CCDC183: variants seen among roughly 807,000 people sequenced by gnomAD.
The protein encoded by CCDC183 is coiled-coil domain-containing protein 183.
In CCDC183, 63 loss-of-function variants were observed where a neutral mutation model predicts 65.2. The ratio of observed to expected loss-of-function variants is 0.97; its 90% CI spans 0.79 to 1.19. CCDC183 has a LOEUF of 1.19. Among genes scored for constraint, CCDC183 ranks in the 50% most tolerant of loss-of-function variants. The probability of loss-of-function intolerance (pLI) is 0.00; values close to 1 mark genes in which losing one functional copy is unlikely to be tolerated. For missense variants in CCDC183, 769 were observed against 689.3 expected (o/e 1.12, Z -1.30); for synonymous variants, 323 against 276.5 (o/e 1.17, Z -1.67).
intron 8 of CCDC183, 37 bp from the exon 9 acceptor site, chr9:136,805,320 C>T: frequency 6.4e-7 from 1 of 1,554,128 alleles, no homozygotes; most frequent in Non-Finnish European, 8.8e-7. Flanking sequence ...CTGAGCCATC[C>T]CTGCATGCTG....
chr9:136,807,345 C>A, intron 13 of CCDC183: 1 of 665,216 alleles, frequency 1.5e-6, no homozygotes, highest in Non-Finnish European at 2.5e-6. Context: ...GGGAGGAGCG[C>A]GGTGAAGGCC....
chr9:136,806,427 G>C (rs1847851138), intron 10 of CCDC183, 77 bp from the exon 11 acceptor site: 1 of 1,578,516 alleles, frequency 6.3e-7, no homozygotes, highest in African/African-American at 1.3e-5. Flanking sequence ...ACCCAACTCA[G>C]GACTGGGCTC....
chr9:136,797,779 G>A lies in CCDC183; in HGVS notation c.70+1312G>A, dbSNP rs574232959. On this transcript the variant is annotated intron_variant, in intron 1 of 13. Coordinates refer to ENST00000338005, the MANE Select transcript of CCDC183 (RefSeq NM_001039374.5). ...TTTCTCAGTCTTCATCCCACCTGAC[G>A]AGAAATACCCGCAGGTGTGGAGGGG... Among the ~76,000 whole-genome samples the A allele has an allele frequency of 3.9e-5, 6 of 152,234 alleles. No homozygotes were observed. In the East Asian group the frequency reaches 7.8e-4, roughly 20 times the overall value.
chr9:136,806,222 A>C lies in CCDC183; in HGVS notation c.1093A>C (p.Lys365Gln), dbSNP rs1263971899. Residue 365 changes from lysine to glutamine, a missense_variant, in exon 10 of 14, where the codon AAG (lysine) becomes CAG (glutamine). Transcript: ENST00000338005. ...LEEAVLKFRQ[K>Q]PSSISFKSVE... The stretch of plus-strand genomic sequence containing the variant: ...GGAGGCCGTGCTCAAGTTCCGCCAG[A>C]AGCCTAGCTCCATCAGGTGCCCCGG... The C allele has an allele frequency of 6.3e-7, 1 of 1,592,322 alleles. No individual in the cohort carries two copies. The highest frequency in any genetic ancestry group is 8.6e-7 in the Non-Finnish European group (1 of 1,169,576).
chr9:136,803,372 A>G (rs1205850873), intron 6 of CCDC183, among the ~76,000 whole-genome samples: 1 of 152,146 alleles, frequency 6.6e-6, no homozygotes, highest in Non-Finnish European at 1.5e-5. Flanking sequence ...CCCCAGAAGG[A>G]TCCAGTGGCC....
intron 3 of CCDC183, 103 bp from the exon 4 acceptor site, chr9:136,799,899 G>T: frequency 2.0e-6 from 3 of 1,516,836 alleles, no homozygotes; most frequent in Non-Finnish European, 2.7e-6. Context: ...CCAGCCCCAG[G>T]TTCCCTGTGG....
In CCDC183 at chr9:136,805,474, T is replaced by C. The variant is rs779802702; in HGVS notation, c.948+17T>C. 1 of 1,607,070 alleles carries C rather than the reference T, an allele frequency of 6.2e-7. No individual in the cohort carries two copies. The highest frequency in any genetic ancestry group is 1.3e-5 in the African/African-American group (1 of 74,816). On this transcript the variant is annotated intron_variant, in intron 9 of 13. Coordinates refer to ENST00000338005, the MANE Select transcript of CCDC183 (RefSeq NM_001039374.5). Reference sequence around the variant, plus strand: ...CACGTCTGGGTAATGCCCCTGGCGCTCCCAGAGAATGGCAGGAGGGTGGCT... The same window carrying C: ...CACGTCTGGGTAATGCCCCTGGCGCCCCCAGAGAATGGCAGGAGGGTGGCT...
intron 5 of CCDC183, among the ~76,000 whole-genome samples, chr9:136,801,216 G>A (rs1847732344): frequency 6.6e-6 from 1 of 151,976 alleles, no homozygotes; most frequent in East Asian, 1.9e-4. Context: ...CCCAGCCCAG[G>A]TGGCTCTCAG....
rs745999204 is a variant in CCDC183 at position 136,807,604 on chromosome 9, T to C, written c.1519T>C (p.Tyr507His). 1.6e-5 allele frequency: 25 copies of C among 1,606,070 alleles called. No homozygotes were observed. Among genetic ancestry groups the C allele is most frequent in the Non-Finnish European group, 2.1e-5 (25 of 1,176,794 alleles). ...TFQFPDMDHS[Y>H]VPSRAEIKRQ... ...CCAGTTCCCCGACATGGACCACAGC[T>C]ACGTCCCTTCGCGCGCCGAGATCAA... The change falls in exon 14 of 14, where the codon TAC (tyrosine) becomes CAC (histidine). Residue 507 changes from tyrosine to histidine, a missense_variant. Coordinates refer to ENST00000338005, the MANE Select transcript of CCDC183 (RefSeq NM_001039374.5).
At chr9:136,800,655 C>A in intron 5 of CCDC183, 162 bp downstream of exon 5, 1 of 603,784 alleles carries the variant, frequency 1.7e-6, no homozygotes, top group Non-Finnish European at 2.9e-6. Context: ...TTTTTTTAAA[C>A]TTCATTTTTG....
At chr9:136,796,906 G>C (rs969502539) in intron 1 of CCDC183, among the ~76,000 whole-genome samples, 1 of 152,100 alleles carries the variant, frequency 6.6e-6, no homozygotes, top group Non-Finnish European at 1.5e-5. Context: ...ATATGGCCTC[G>C]TGGGAAAGGA....
rs1015870754 is a variant in CCDC183, at chr9:136,802,714, C to T, written c.594C>T (p.Val198=). 6.2e-7 allele frequency: 1 copy of T among 1,613,606 alleles called. No individual in the cohort carries two copies. The highest frequency in any genetic ancestry group is 1.1e-5 in the South Asian group (1 of 91,078). Reference sequence around the variant, plus strand: ...TGGACAAGCTGCAGAACCTCGTGGTCAACTACTGCTCAGAGCTGTCGGATA... The same window carrying T: ...TGGACAAGCTGCAGAACCTCGTGGTTAACTACTGCTCAGAGCTGTCGGATA... ...IELDKLQNLV[V]NYCSELSDMK... The change falls in exon 6 of 14, where the codon GTC becomes GTT. Residue 198 remains valine, a synonymous_variant. Coordinates refer to ENST00000338005, the MANE Select transcript of CCDC183 (RefSeq NM_001039374.5).
In CCDC183 at chr9:136,807,218, G is replaced by A. The variant is rs958240332; in HGVS notation, c.1486+152G>A. On this transcript the variant is annotated intron_variant, in intron 13 of 13. Coordinates refer to ENST00000338005, the MANE Select transcript of CCDC183 (RefSeq NM_001039374.5). ...ACCTGCAGGACTTTAATTGATGGAG[G>A]TGACTTAGTGATGCCATGGGGAGGC... The A allele has an allele frequency of 7.9e-5, 54 of 681,932 alleles. 1 individual carries two copies. The highest frequency in any genetic ancestry group is 5.4e-5 in the South Asian group (3 of 55,568). The allele number at this position is 681,932 out of a possible 1,614,324, so 42.2% of individuals were successfully genotyped here.
Position 136,799,683 on chromosome 9 carries a change from C to T in CCDC183, c.193-30C>T, listed in dbSNP as rs1213995518. 3.1e-6 allele frequency: 5 copies of T among 1,603,604 alleles called. 1 individual carries two copies. The highest frequency in any genetic ancestry group is 2.2e-5 in the South Asian group (2 of 90,464). ...AGCGGCTGCGGGTGCGCAAAGGGCC[C>T]GCTCTAGCTCAGCCGCCGCCGCTCC... is the stretch of plus-strand genomic sequence containing the variant. On this transcript the variant is annotated intron_variant, in intron 2 of 13. Coordinates refer to ENST00000338005, the MANE Select transcript of CCDC183 (RefSeq NM_001039374.5).
rs757004099 is a variant in CCDC183, at chr9:136,806,947, C to G, written c.1390-23C>G. The G allele has an allele frequency of 3.8e-5, 61 of 1,613,406 alleles. 2 individuals are homozygous for G. In the South Asian group the frequency reaches 6.6e-4, roughly 17 times the overall value. On this transcript the variant is annotated intron_variant, in intron 12 of 13. Coordinates refer to ENST00000338005, the MANE Select transcript of CCDC183 (RefSeq NM_001039374.5). ...GCTCCCGTTCAGAGTGTCTGCACGGCTGAAGGGGGCTTTGCCCTGCAGGGC... is the reference window on the plus strand; with the variant it reads ...GCTCCCGTTCAGAGTGTCTGCACGGGTGAAGGGGGCTTTGCCCTGCAGGGC...
chr9:136,803,877 C>CCCA (rs1847794138), intron 6 of CCDC183: 1 of 155,264 alleles, frequency 6.4e-6, no homozygotes. Context: ...GGCCCAAGGA[C>CCCA]TGACCTGGAG....
chr9:136,807,443 G>A (rs573561181), intron 13 of CCDC183, 129 bp from the exon 14 acceptor site: 8 of 1,216,826 alleles, frequency 6.6e-6, no homozygotes, highest in Non-Finnish European at 8.9e-6. Flanking sequence ...GAGTCCTCCC[G>A]GCACGCTGGG....
intron 10 of CCDC183, 120 bp from the exon 11 acceptor site, chr9:136,806,384 C>T: frequency 7.0e-7 from 1 of 1,433,630 alleles, no homozygotes; most frequent in Non-Finnish European, 9.6e-7. Context: ...CTTGCACACA[C>T]CTGAGCTTCT....
chr9:136,800,622 G>A (rs2131130053), intron 5 of CCDC183, 129 bp downstream of exon 5: 1 of 657,998 alleles, frequency 1.5e-6, no homozygotes, highest in Admixed American at 2.9e-5. Flanking sequence ...GGCTACGCAG[G>A]ACGCCGAGGC....
Sources: gnomAD v4.1 joint callset for allele counts (sites outside exome capture counted in the v4.1 genomes callset) on GRCh38, gnomAD v4.1.1 for gene constraint, MANE v1.5 for transcripts, NCBI Gene and HGNC (gene_info 2026-07-23, HGNC 2026-07-21) for gene names.